SNTG2: variants seen among roughly 807,000 people sequenced by gnomAD.
SNTG2 encodes the protein syntrophin gamma 2.
A neutral mutation model predicts 70.9 loss-of-function variants in SNTG2; 74 were observed. That is an observed-to-expected ratio of 1.04 (90% CI 0.86 to 1.27). The LOEUF is 1.27. Ranked by LOEUF, SNTG2 falls within the 50% of genes most tolerant of loss-of-function variation. The pLI is 0.00. For missense variants in SNTG2, 717 were observed against 690.7 expected (o/e 1.04, Z -0.43); for synonymous variants, 278 against 273.8 (o/e 1.02, Z -0.15).
At chr2:1,165,758 A>G (rs1260260740) in intron 7 of SNTG2, 123 bp downstream of exon 7, 8 of 805,700 alleles carry the variant, frequency 9.9e-6, no homozygotes, top group Non-Finnish European at 1.6e-5. Context: ...TTCAGAGAGA[A>G]GAAAAGTATA....
intron 9 of SNTG2, among the ~76,000 whole-genome samples, chr2:1,222,019 CTGT>C: frequency 9.6e-6 from 1 of 103,980 alleles, no homozygotes; most frequent in Non-Finnish European, 2.2e-5. Flanking sequence ...CTGTCTCTCT[CTGT>C]CTCTGCCTAT....
intron 1 of SNTG2, among the ~76,000 whole-genome samples, chr2:1,081,270 T>A (rs1298174327): frequency 6.6e-6 from 1 of 152,082 alleles, no homozygotes; most frequent in Non-Finnish European, 1.5e-5. Context: ...CGCCCGTGTG[T>A]GAGAGTAAAT....
At chr2:1,257,269 C>T (rs1457973629) in intron 12 of SNTG2, among the ~76,000 whole-genome samples, 1 of 152,298 alleles carries the variant, frequency 6.6e-6, no homozygotes, top group African/African-American at 2.4e-5. Flanking sequence ...GAGGCACATT[C>T]TCTTCCCTGA....
intron 1 of SNTG2, among the ~76,000 whole-genome samples, chr2:983,115 G>A (rs573574031): frequency 7.3e-5 from 11 of 150,960 alleles, no homozygotes; most frequent in Non-Finnish European, 1.2e-4. Flanking sequence ...TTCTGTAGAA[G>A]TTGTGGAAGT....
chr2:1,076,489 T>C (rs991874504), intron 1 of SNTG2, among the ~76,000 whole-genome samples: 2 of 152,326 alleles, frequency 1.3e-5, no homozygotes, highest in African/African-American at 4.8e-5. Flanking sequence ...TACATTTTTG[T>C]CACACTTTGA....
chr2:1,101,888 G>T (rs979203918), intron 4 of SNTG2, among the ~76,000 whole-genome samples: 1 of 152,232 alleles, frequency 6.6e-6, no homozygotes, highest in Admixed American at 6.5e-5. Flanking sequence ...CACCAGAGCA[G>T]CCAGGTAGCC....
chr2:1,132,823 A>ATG, intron 4 of SNTG2, among the ~76,000 whole-genome samples: 1 of 151,934 alleles, frequency 6.6e-6, no homozygotes, highest in Non-Finnish European at 1.5e-5. Context: ...AGAGCTAAAC[A>ATG]CCTCCCAGGG....
At chr2:1,022,856 C>T (rs998003660) in intron 1 of SNTG2, among the ~76,000 whole-genome samples, 4 of 152,068 alleles carry the variant, frequency 2.6e-5, no homozygotes, top group East Asian at 1.9e-4. Flanking sequence ...ATCTTGATAG[C>T]GAATATAAAT....
At chr2:1,034,499 G>A (rs957058381) in intron 1 of SNTG2, among the ~76,000 whole-genome samples, 5 of 152,144 alleles carry the variant, frequency 3.3e-5, no homozygotes, top group Non-Finnish European at 7.3e-5. Context: ...GGGTCAAATG[G>A]TAGTTCTGTT....
intron 9 of SNTG2, among the ~76,000 whole-genome samples, chr2:1,228,255 A>T (rs978514485): frequency 6.6e-6 from 1 of 152,226 alleles, no homozygotes; most frequent in Admixed American, 6.5e-5. Flanking sequence ...TGTGCTTAAA[A>T]TGTGGCTTTG....
chr2:972,210 A>G (rs889146482), intron 1 of SNTG2, among the ~76,000 whole-genome samples: 1 of 152,098 alleles, frequency 6.6e-6, no homozygotes, highest in African/African-American at 2.4e-5. Flanking sequence ...TTTGGCCTTC[A>G]TGCTCTTTCT....
chr2:1,274,560 A>G (rs1679194039), intron 14 of SNTG2, among the ~76,000 whole-genome samples: 1 of 152,094 alleles, frequency 6.6e-6, no homozygotes, highest in Non-Finnish European at 1.5e-5. Flanking sequence ...CACACCTAAG[A>G]ACTTACCCTT....
intron 1 of SNTG2, among the ~76,000 whole-genome samples, chr2:1,033,775 C>T (rs528559970): frequency 6.6e-6 from 1 of 152,286 alleles, no homozygotes; most frequent in South Asian, 2.1e-4. Flanking sequence ...GTAGTCTACA[C>T]TCACAGGCAT....
At chr2:1,168,494 C>T (rs1465639674) in intron 7 of SNTG2, among the ~76,000 whole-genome samples, 3 of 152,240 alleles carry the variant, frequency 2.0e-5, no homozygotes, top group African/African-American at 7.2e-5. Flanking sequence ...AAGCGAGCCA[C>T]TCCCCCATCA....
At chr2:1,136,154 C>T (rs1668369526) in intron 4 of SNTG2, among the ~76,000 whole-genome samples, 1 of 152,010 alleles carries the variant, frequency 6.6e-6, no homozygotes, top group Non-Finnish European at 1.5e-5. Flanking sequence ...TTCTGTTAGC[C>T]TTTGATTCCC....
At chr2:1,270,883 T>G (rs1042827732) in intron 14 of SNTG2, among the ~76,000 whole-genome samples, 1 of 152,250 alleles carries the variant, frequency 6.6e-6, no homozygotes, top group African/African-American at 2.4e-5. Context: ...TTTTCTTTAC[T>G]AATTGTAACA....
chr2:1,203,670 A>AT (rs1558526140), intron 8 of SNTG2, among the ~76,000 whole-genome samples: 359 of 133,762 alleles, frequency 2.7e-3, no homozygotes, highest in African/African-American at 4.4e-3. Flanking sequence ...AAACAAAAAA[A>AT]AAAATATATA....
chr2:1,250,424 T>C (rs994021473), intron 12 of SNTG2, among the ~76,000 whole-genome samples: 6 of 152,044 alleles, frequency 3.9e-5, no homozygotes, highest in African/African-American at 1.2e-4. Context: ...TTTCTATCCC[T>C]CTCTCTTTCT....
intron 14 of SNTG2, among the ~76,000 whole-genome samples, chr2:1,275,502 T>C (rs1044293971): frequency 2.0e-5 from 3 of 152,220 alleles, no homozygotes; most frequent in African/African-American, 4.8e-5. Flanking sequence ...ACTGTTGTAA[T>C]TGGTTTCAGG....
Sources: gnomAD v4.1 joint callset for allele counts (sites outside exome capture counted in the v4.1 genomes callset) on GRCh38, gnomAD v4.1.1 for gene constraint, MANE v1.5 for transcripts, NCBI Gene and HGNC (gene_info 2026-07-23, HGNC 2026-07-21) for gene names.